OPRM1: variants seen among roughly 807,000 people sequenced by gnomAD.
The protein encoded by OPRM1 is mu-type opioid receptor.
OPRM1 carries 27 observed loss-of-function variants against 31.8 expected under a neutral mutation model. The ratio of observed to expected loss-of-function variants is 0.85; its 90% CI spans 0.63 to 1.17. The LOEUF (loss-of-function observed/expected upper bound fraction) is 1.17. Ranked by LOEUF, OPRM1 falls within the 50% of genes most tolerant of loss-of-function variation. OPRM1 has a pLI of 0.00. For missense variants in OPRM1, 536 were observed against 511.1 expected (o/e 1.05, Z -0.47); for synonymous variants, 196 against 189.9 (o/e 1.03, Z -0.26).
chr6:154,091,167 G>T lies in OPRM1; in HGVS notation c.859G>T (p.Val287Leu). Residue 287 changes from valine (V) to leucine (L), a missense_variant, in exon 3 of 4, where the codon GTG (valine) becomes TTG (leucine). Val to Leu is a conservative substitution (Grantham distance 32, BLOSUM62 1). Transcript: ENST00000330432. ...LRRITRMVLV[V>L]VAVFIVCWTP... is the part of the protein sequence containing the mutation. ...AAGGATCACCAGGATGGTGCTGGTG[G>T]TGGTGGCTGTGTTCATCGTCTGCTG... The T allele has an allele frequency of 6.2e-7, 1 of 1,614,100 alleles. No individual in the cohort carries two copies. Among genetic ancestry groups the T allele is most frequent in the Non-Finnish European group, 8.5e-7 (1 of 1,179,994 alleles).
intron 3 of OPRM1, among the ~76,000 whole-genome samples, chr6:154,197,760 C>T (rs1483425004): frequency 6.6e-6 from 1 of 152,162 alleles, no homozygotes; most frequent in Non-Finnish European, 1.5e-5. Flanking sequence ...AGGGTTATCT[C>T]TTGGGAAAGA....
chr6:154,106,584 C>G (rs1338429512), intron 3 of OPRM1, among the ~76,000 whole-genome samples: 2 of 152,270 alleles, frequency 1.3e-5, no homozygotes, highest in Non-Finnish European at 2.9e-5. Flanking sequence ...CCTTTCATCA[C>G]TCACACAGAA....
intron 1 of OPRM1, among the ~76,000 whole-genome samples, chr6:154,067,479 A>T (rs1785690700): frequency 6.6e-6 from 1 of 151,332 alleles, no homozygotes; most frequent in African/African-American, 2.4e-5. Context: ...TTATTATGTT[A>T]TTGATTTTTT....
chr6:154,039,260 G>A lies in OPRM1; in HGVS notation c.-285G>A. ...CCCTCCTCCCTCCCTTCCAGCCTCC[G>A]AATCCCGCATGGCCCACGCTCCCCT... On this transcript the variant is annotated 5_prime_UTR_variant, in exon 1 of 4. Coordinates refer to ENST00000330432, the MANE Select transcript of OPRM1 (RefSeq NM_000914.5). The A allele has an allele frequency of 6.4e-7, 1 of 1,551,514 alleles. No individual in the cohort carries two copies. Among genetic ancestry groups the A allele is most frequent in the Non-Finnish European group, 8.7e-7 (1 of 1,146,884 alleles).
At chr6:154,024,551 C>A (rs1778574301) in intron 1 of OPRM1, among the ~76,000 whole-genome samples, 1 of 150,736 alleles carries the variant, frequency 6.6e-6, no homozygotes, top group Non-Finnish European at 1.5e-5. Context: ...TATTTCTGCC[C>A]TGATTTTTAT....
chr6:154,112,528 A>G (rs533466341), intron 3 of OPRM1, among the ~76,000 whole-genome samples: 3 of 152,316 alleles, frequency 2.0e-5, no homozygotes, highest in Admixed American at 2.0e-4. Flanking sequence ...CAGTAAACAA[A>G]TCAATCCTCC....
rs1797840326 is a variant in OPRM1, at chr6:154,130,589, A to T, written c.*11868A>T. Reference sequence around the variant, plus strand: ...TAGCTATATGAATATTTGCCTATAAATCCCCATCAATTTAATAGGAATTAA... The same window carrying T: ...TAGCTATATGAATATTTGCCTATAATTCCCCATCAATTTAATAGGAATTAA... On this transcript the variant is annotated 3_prime_UTR_variant, in exon 4 of 4. Coordinates refer to ENST00000330432, the MANE Select transcript of OPRM1 (RefSeq NM_000914.5). Among the ~76,000 whole-genome samples the T allele has an allele frequency of 6.6e-6, 1 of 152,158 alleles. No homozygotes were observed. Among genetic ancestry groups the T allele is most frequent in the Admixed American group, 6.5e-5 (1 of 15,268 alleles).
chr6:154,114,675 A>G (rs1796680387), intron 3 of OPRM1, among the ~76,000 whole-genome samples: 1 of 152,192 alleles, frequency 6.6e-6, no homozygotes, highest in African/African-American at 2.4e-5. Context: ...TTACAGTCAC[A>G]ATGTCTGTAA....
At position 154,110,239 on chromosome 6, in the gene OPRM1, C is replaced by T. The variant is rs1375334019; in HGVS notation, c.1165-8444C>T. 3.0e-5 allele frequency: 17 copies of T among 567,568 alleles called. No individual in the cohort carries two copies. The South Asian group carries it at 4.3e-4, about 14-fold the overall frequency. 35.2% of individuals were successfully genotyped at this position (567,568 alleles called of 1,614,324 possible). A position where few individuals can be genotyped will look rare whatever the true frequency, so the allele number is the denominator to read the frequency against. ...TTTACTTTGTTTTCTGGTGATATTA[C>T]AAGAAAAAAATCTATGTACCTTTGG... On this transcript the variant is annotated intron_variant, in intron 3 of 3. Transcript: ENST00000330432.
chr6:154,165,437 C>A (rs1263862675), intron 3 of OPRM1, among the ~76,000 whole-genome samples: 1 of 152,222 alleles, frequency 6.6e-6, no homozygotes, highest in African/African-American at 2.4e-5. Context: ...TAGGTTGATG[C>A]ACTTTGCTTT....
chr6:154,039,136 C>A (rs1022364389), upstream of OPRM1: 23 of 1,546,802 alleles, frequency 1.5e-5, no homozygotes, highest in Middle Eastern at 1.7e-4. Context: ...TCTCCCCAAC[C>A]CTTCTCTCCA....
chr6:154,136,537 G>T (rs1025308808), downstream of OPRM1, among the ~76,000 whole-genome samples: 12 of 152,122 alleles, frequency 7.9e-5, no homozygotes, highest in African/African-American at 2.9e-4. Context: ...ATACCCACCT[G>T]AGGGGCCCTC....
chr6:154,128,862 G>C lies in OPRM1; in HGVS notation c.*10141G>C, dbSNP rs954074425. 2.0e-5 allele frequency among the ~76,000 whole-genome samples: 3 copies of C among 152,186 alleles called. No homozygotes were observed. The highest frequency in any genetic ancestry group is 4.4e-5 in the Non-Finnish European group (3 of 68,042). On this transcript the variant is annotated 3_prime_UTR_variant, in exon 4 of 4. Coordinates refer to ENST00000330432, the MANE Select transcript of OPRM1 (RefSeq NM_000914.5). ...TTTCTTCTAGCTCTGTTTTTGCATA[G>C]TGCACAGAGATCTTTGTAAAAAACA...
At chr6:154,204,959 TCAC>T (rs1226339291) in intron 3 of OPRM1, among the ~76,000 whole-genome samples, 1 of 152,186 alleles carries the variant, frequency 6.6e-6, no homozygotes, top group African/African-American at 2.4e-5. Context: ...TTCTGTCCCA[TCAC>T]CACATCTCTG....
At chr6:154,152,902 A>AT (rs34724351) in intron 3 of OPRM1, among the ~76,000 whole-genome samples, 3,682 of 143,900 alleles carry the variant, frequency 0.026, 65 homozygotes, top group South Asian at 0.054. Context: ...ACACCTAGCT[A>AT]TTTTTTTTTT....
At chr6:154,080,891 A>T (rs1788950596) in intron 1 of OPRM1, among the ~76,000 whole-genome samples, 1 of 152,230 alleles carries the variant, frequency 6.6e-6, no homozygotes, top group South Asian at 2.1e-4. Flanking sequence ...TGCAGAAGTC[A>T]CATTACATCC....
At position 154,129,853 on chromosome 6, in the gene OPRM1, C is replaced by G. The variant is rs1416328700; in HGVS notation, c.*11132C>G. Among the ~76,000 whole-genome samples, 1 of 37,532 alleles carries G rather than the reference C, an allele frequency of 2.7e-5. No homozygotes were observed. The highest frequency in any genetic ancestry group is 2.1e-4 in the African/African-American group (1 of 4,850). The allele number at this position is 37,532 out of a possible 152,430, so 24.6% of individuals were successfully genotyped here. A position where few individuals can be genotyped will look rare whatever the true frequency, so the allele number is the denominator to read the frequency against. On this transcript the variant is annotated 3_prime_UTR_variant, in exon 4 of 4. Transcript: ENST00000330432. ...TACCACCGACACCCTCCCCCCCCAG[C>G]ACACACACACACACACACACACACA...
chr6:154,175,116 G>A (rs1186022342), intron 3 of OPRM1, among the ~76,000 whole-genome samples: 1 of 152,166 alleles, frequency 6.6e-6, no homozygotes, highest in Non-Finnish European at 1.5e-5. Context: ...GATGTTCTTT[G>A]AAACCAATTA....
intron 1 of OPRM1, among the ~76,000 whole-genome samples, chr6:154,085,013 C>T (rs1790193883): frequency 1.3e-5 from 2 of 151,912 alleles, no homozygotes; most frequent in Non-Finnish European, 2.9e-5. Context: ...TATTTCTGAA[C>T]TGAGACACGA....
Sources: gnomAD v4.1 joint callset for allele counts (sites outside exome capture counted in the v4.1 genomes callset) on GRCh38, gnomAD v4.1.1 for gene constraint, MANE v1.5 for transcripts, NCBI Gene and HGNC (gene_info 2026-07-23, HGNC 2026-07-21) for gene names.